Variants in MAGI1 observed in about 807,000 individuals in gnomAD.
The protein encoded by MAGI1 is membrane-associated guanylate kinase, WW and PDZ domain-containing protein 1.
A neutral mutation model predicts 139.9 loss-of-function variants in MAGI1; 58 were observed. The ratio of observed to expected loss-of-function variants is 0.41; its 90% confidence interval spans 0.34 to 0.52. The LOEUF (loss-of-function observed/expected upper bound fraction) is 0.52, where lower values mean the gene tolerates loss of function less well. Ranked by LOEUF, MAGI1 falls within the 20% of genes least tolerant of loss-of-function variation. MAGI1 has a pLI of 0.12. For synonymous variants in MAGI1, 812 were observed against 737.9 expected (o/e 1.10, Z -1.63); for missense variants, 1,874 against 1,901.6 (o/e 0.99, Z 0.27).
At chr3:65,459,226 A>G (rs749890984) in intron 5 of MAGI1, among the ~76,000 whole-genome samples, 12 of 152,192 alleles carry the variant, frequency 7.9e-5, no homozygotes, top group Non-Finnish European at 1.3e-4. Context: ...ATTTGAAGTC[A>G]GGTAATGTAC....
chr3:65,620,180 C>A (rs572418353), intron 2 of MAGI1, among the ~76,000 whole-genome samples: 35 of 152,270 alleles, frequency 2.3e-4, no homozygotes, highest in Non-Finnish European at 4.1e-4. Context: ...AAATTGGAAT[C>A]TAAGTAGGGG....
intron 1 of MAGI1, among the ~76,000 whole-genome samples, chr3:65,986,072 G>A (rs138829138): frequency 6.6e-6 from 1 of 152,304 alleles, no homozygotes; most frequent in East Asian, 1.9e-4. Flanking sequence ...AGGAGCAAAT[G>A]GGCCAGATGT....
chr3:65,635,540 C>A (rs78485784), intron 1 of MAGI1, among the ~76,000 whole-genome samples: 7,327 of 152,224 alleles, frequency 0.048, 582 homozygotes, highest in African/African-American at 0.17. Context: ...CTGAATGGCA[C>A]AGACTTCCAG....
At chr3:65,787,962 G>C (rs560590540) in intron 1 of MAGI1, among the ~76,000 whole-genome samples, 2 of 152,252 alleles carry the variant, frequency 1.3e-5, no homozygotes, top group Admixed American at 1.3e-4. Context: ...CAAGAAAAAA[G>C]TTTATTTAGT....
chr3:65,809,047 T>C (rs767521083), intron 1 of MAGI1, among the ~76,000 whole-genome samples: 2 of 152,210 alleles, frequency 1.3e-5, no homozygotes, highest in African/African-American at 2.4e-5. Context: ...AATATTTGGA[T>C]ATTGGGAATT....
chr3:65,933,080 A>G (rs2062877020), intron 1 of MAGI1, among the ~76,000 whole-genome samples: 1 of 152,232 alleles, frequency 6.6e-6, no homozygotes, highest in Non-Finnish European at 1.5e-5. Context: ...TTCAATAAGT[A>G]TTTTGTTTAA....
chr3:65,672,221 A>G (rs2086906372), intron 1 of MAGI1, among the ~76,000 whole-genome samples: 1 of 152,190 alleles, frequency 6.6e-6, no homozygotes, highest in Admixed American at 6.5e-5. Flanking sequence ...GCAAAATGCA[A>G]AAGAAAAAAG....
At chr3:65,371,704 CTTAAG>C (rs1339840495) in intron 18 of MAGI1, among the ~76,000 whole-genome samples, 5 of 152,130 alleles carry the variant, frequency 3.3e-5, no homozygotes, top group Admixed American at 6.5e-5. Flanking sequence ...GCTTTATTAA[CTTAAG>C]TTGATTTAAT....
chr3:66,032,385 G>GTTT (rs386396910), intron 1 of MAGI1, among the ~76,000 whole-genome samples: 9 of 134,226 alleles, frequency 6.7e-5, no homozygotes, highest in African/African-American at 2.2e-4. Flanking sequence ...TAATTTTTTT[G>GTTT]TTTTTTTTTT....
chr3:65,457,684 T>C (rs1420478362), intron 5 of MAGI1, among the ~76,000 whole-genome samples: 1 of 152,148 alleles, frequency 6.6e-6, no homozygotes, highest in Admixed American at 6.5e-5. Flanking sequence ...ACATGGTAGG[T>C]GCACATATTT....
rs34391171 is a variant in MAGI1, at chr3:65,546,014, A to ACACACT, written c.431-52384_431-52383insAGTGTG. On this transcript the variant is annotated intron_variant, in intron 2 of 22. Coordinates refer to ENST00000402939, the MANE Select transcript of MAGI1 (RefSeq NM_001033057.2). ...CACACGCACACACACACACACACAC[A>ACACACT]CTCTCAAACTACAAAAATAAATCTC... 5.0e-3 allele frequency among the ~76,000 whole-genome samples: 756 copies of ACACACT among 151,346 alleles called. 8 individuals are homozygous for ACACACT. The highest frequency in any genetic ancestry group is 7.9e-3 in the Non-Finnish European group (537 of 67,820).
intron 2 of MAGI1, among the ~76,000 whole-genome samples, chr3:65,595,650 T>A (rs2082156677): frequency 6.6e-6 from 1 of 152,176 alleles, no homozygotes; most frequent in Non-Finnish European, 1.5e-5. Flanking sequence ...GTAAAAAGAA[T>A]AACGGACCGA....
chr3:65,720,020 G>C lies in MAGI1; in HGVS notation c.314-97932C>G, dbSNP rs943873810. On this transcript the variant is annotated intron_variant, in intron 1 of 22. Coordinates refer to ENST00000402939, the MANE Select transcript of MAGI1 (RefSeq NM_001033057.2). ...GAGTAGTGCTAAGTTATTGTTGACAGTATCTCAATTTCTTGTGTTTTAAAT... is the reference window on the plus strand; with the variant it reads ...GAGTAGTGCTAAGTTATTGTTGACACTATCTCAATTTCTTGTGTTTTAAAT... 8 of 152,210 alleles carry C rather than the reference G, an allele frequency of 5.3e-5. No homozygotes were observed. The East Asian group carries it at 1.5e-3, about 29-fold the overall frequency. 9.4% of individuals were successfully genotyped at this position (152,210 alleles called of 1,614,324 possible).
intron 2 of MAGI1, among the ~76,000 whole-genome samples, chr3:65,568,601 T>C (rs17432445): frequency 0.37 from 55,772 of 152,078 alleles, 11,644 homozygotes; most frequent in East Asian, 0.66. Flanking sequence ...AAGTCTAAAA[T>C]GTATTCATTC....
At chr3:66,013,923 C>T (rs1467837623) in intron 1 of MAGI1, among the ~76,000 whole-genome samples, 1 of 152,100 alleles carries the variant, frequency 6.6e-6, no homozygotes, top group African/African-American at 2.4e-5. Context: ...ATACACCTGA[C>T]GAAAAGAAAA....
Position 65,530,788 on chromosome 3 carries a change from C to T in MAGI1, c.431-37157G>A, listed in dbSNP as rs1299219924. Among the ~76,000 whole-genome samples the T allele has an allele frequency of 1.0e-4, 8 of 79,482 alleles. 1 individual carries two copies. Among genetic ancestry groups the T allele is most frequent in the East Asian group, 8.6e-4 (3 of 3,502 alleles). The allele number at this position is 79,482 out of a possible 152,430, so 52.1% of individuals were successfully genotyped here. A position where few individuals can be genotyped will look rare whatever the true frequency, so the allele number is the denominator to read the frequency against. ...ATATATATATACACACATATATATA[C>T]ACGTATATATATATATACACACATA... On this transcript the variant is annotated intron_variant, in intron 2 of 22. Coordinates refer to ENST00000402939, the MANE Select transcript of MAGI1 (RefSeq NM_001033057.2).
chr3:65,999,705 T>G (rs902764059), intron 1 of MAGI1, among the ~76,000 whole-genome samples: 1 of 152,096 alleles, frequency 6.6e-6, no homozygotes, highest in East Asian at 1.9e-4. Flanking sequence ...TAAGCCACAA[T>G]AGGACACACC....
intron 1 of MAGI1, among the ~76,000 whole-genome samples, chr3:65,783,956 C>G (rs1299965367): frequency 6.6e-6 from 1 of 151,984 alleles, no homozygotes; most frequent in South Asian, 2.1e-4. Context: ...AACCCCATCT[C>G]TACTAAAAAT....
intron 3 of MAGI1, among the ~76,000 whole-genome samples, chr3:65,492,340 A>G (rs754767293): frequency 7.2e-5 from 11 of 152,244 alleles, no homozygotes; most frequent in Non-Finnish European, 1.5e-4. Context: ...ATCTGATCCT[A>G]TGGATATGTT....
Sources: allele counts gnomAD v4.1 joint callset (sites outside exome capture counted in the v4.1 genomes callset), GRCh38; gene constraint gnomAD v4.1.1; transcripts MANE v1.5; gene names NCBI Gene and HGNC (gene_info 2026-07-23, HGNC 2026-07-21).